Variants in PRKG1 observed in about 807,000 individuals in gnomAD.
The protein encoded by PRKG1 is cGMP-dependent protein kinase 1.
In PRKG1, 35 loss-of-function variants were observed where a neutral mutation model predicts 88.1. The observed-to-expected ratio is 0.40, with a 90% CI of 0.30 to 0.53. The LOEUF is 0.53. PRKG1 is among the 20% of genes least tolerant of loss of function. The pLI, the probability that PRKG1 is intolerant of heterozygous loss-of-function variation, is 0.59. For synonymous variants in PRKG1, 303 were observed against 292.5 expected, an observed-to-expected ratio of 1.04 and a Z score of -0.37; for missense variants, 540 against 839.8, an observed-to-expected ratio of 0.64 and a Z score of 4.41.
intron 5 of PRKG1, among the ~76,000 whole-genome samples, chr10:51,985,846 G>T (rs183778562): frequency 1.3e-5 from 2 of 152,044 alleles, no homozygotes; most frequent in Non-Finnish European, 1.5e-5. Context: ...ATTTACAATG[G>T]GGTTACATCC....
chr10:52,202,166 T>A (rs1839690156), intron 9 of PRKG1, among the ~76,000 whole-genome samples: 1 of 151,874 alleles, frequency 6.6e-6, no homozygotes, highest in African/African-American at 2.4e-5. Flanking sequence ...AGGTTTGGCT[T>A]ATTCTTTAAG....
chr10:51,662,798 T>A (rs975354371), intron 3 of PRKG1, among the ~76,000 whole-genome samples: 6 of 151,912 alleles, frequency 3.9e-5, no homozygotes, highest in Non-Finnish European at 4.4e-5. Flanking sequence ...AGACTGAAAA[T>A]GGGGAAAGAG....
rs114237653 is a variant in PRKG1 at position 50,996,599 on chromosome 10, C to T, written c.266+4955C>T. Among the ~76,000 whole-genome samples the T allele has an allele frequency of 3.3e-3, 502 of 152,328 alleles. 3 individuals are homozygous for T. Among genetic ancestry groups the T allele is most frequent in the African/African-American group, 0.012 (496 of 41,582 alleles). On this transcript the variant is annotated intron_variant, in intron 1 of 17. Transcript: ENST00000401604. ...TTGGGGTTGCCATTTACCAGTCCTT[C>T]ATCTTCTTCCTTCCTCATCCAACTT...
chr10:52,020,853 T>C (rs1349837241), intron 5 of PRKG1, among the ~76,000 whole-genome samples: 1 of 152,118 alleles, frequency 6.6e-6, no homozygotes, highest in South Asian at 2.1e-4. Flanking sequence ...TGAGATTTTA[T>C]TGGAAGTTCC....
At chr10:51,823,951 G>A (rs1839819547) in intron 4 of PRKG1, among the ~76,000 whole-genome samples, 2 of 134,230 alleles carry the variant, frequency 1.5e-5, no homozygotes, top group Admixed American at 8.5e-5. Flanking sequence ...TTAGCTCACT[G>A]AAGCCTCGAA....
intron 2 of PRKG1, among the ~76,000 whole-genome samples, chr10:51,185,340 G>A (rs553606669): frequency 6.6e-6 from 1 of 152,088 alleles, no homozygotes; most frequent in Admixed American, 6.5e-5. Flanking sequence ...TTTTTATTTT[G>A]TACCTTGACT....
rs149624577 is a variant in PRKG1 at position 51,182,333 on chromosome 10, C to T, written c.478+29003C>T. On this transcript the variant is annotated intron_variant, in intron 2 of 17. Transcript: ENST00000373980. ...GCTTTATTAAGACAAATGGATTATGCCTGAGAATGGATTTAGTTGATTTTA... is the reference window on the plus strand; with the variant it reads ...GCTTTATTAAGACAAATGGATTATGTCTGAGAATGGATTTAGTTGATTTTA... Among the ~76,000 whole-genome samples, 3 of 152,226 alleles carry T rather than the reference C, an allele frequency of 2.0e-5. No homozygotes were observed. In the East Asian group the frequency reaches 5.8e-4, roughly 29 times the overall value.
chr10:51,617,382 G>T (rs1341458496), intron 3 of PRKG1, among the ~76,000 whole-genome samples: 1 of 151,876 alleles, frequency 6.6e-6, no homozygotes, highest in Non-Finnish European at 1.5e-5. Context: ...TTTTAGGGGA[G>T]GAGGTAAGCA....
chr10:51,745,936 C>T (rs977451506), intron 3 of PRKG1, among the ~76,000 whole-genome samples: 1 of 152,214 alleles, frequency 6.6e-6, no homozygotes, highest in African/African-American at 2.4e-5. Context: ...CATCGAACTC[C>T]TGGGCTCAAT....
chr10:52,187,660 A>G (rs1488723550), intron 9 of PRKG1, among the ~76,000 whole-genome samples: 1 of 152,218 alleles, frequency 6.6e-6, no homozygotes, highest in Admixed American at 6.5e-5. Context: ...CCTTTGTGGT[A>G]ATCACTAACA....
chr10:51,205,012 T>C (rs891064402), intron 2 of PRKG1, among the ~76,000 whole-genome samples: 5 of 151,968 alleles, frequency 3.3e-5, no homozygotes, highest in South Asian at 4.1e-4. Context: ...CTTTCCTACA[T>C]TATACATTCT....
intron 3 of PRKG1, among the ~76,000 whole-genome samples, chr10:51,591,145 ATG>A (rs4041277): frequency 0.85 from 128,082 of 150,752 alleles, 55,697 homozygotes; most frequent in South Asian, 0.96. Flanking sequence ...GAAAAGTAGT[ATG>A]TGTGTGTGTG....
At chr10:52,013,785 T>A (rs10823955) in intron 5 of PRKG1, among the ~76,000 whole-genome samples, 36,036 of 152,092 alleles carry the variant, frequency 0.24, 4,788 homozygotes, top group Admixed American at 0.31. Context: ...GTTAGTAAGA[T>A]AGCTATGGCA....
At chr10:51,506,629 G>T (rs1589027377) in intron 3 of PRKG1, among the ~76,000 whole-genome samples, 1 of 152,082 alleles carries the variant, frequency 6.6e-6, no homozygotes, top group African/African-American at 2.4e-5. Flanking sequence ...TTAGAATGGT[G>T]ATCATTAAAA....
upstream of PRKG1, among the ~76,000 whole-genome samples, chr10:51,073,089 C>G (rs577246164): frequency 6.6e-6 from 1 of 152,266 alleles, no homozygotes; most frequent in East Asian, 1.9e-4. Flanking sequence ...TTCGTAATGT[C>G]TTAAGCAAAT....
chr10:51,224,424 A>G (rs1017579578), intron 2 of PRKG1, among the ~76,000 whole-genome samples: 8 of 152,216 alleles, frequency 5.3e-5, no homozygotes, highest in African/African-American at 1.9e-4. Context: ...TTGTCTAGCA[A>G]TGAATATTTA....
At chr10:51,689,213 A>AC (rs1306109118) in intron 3 of PRKG1, among the ~76,000 whole-genome samples, 5 of 149,660 alleles carry the variant, frequency 3.3e-5, no homozygotes, top group African/African-American at 1.2e-4. Context: ...ACACCATCAA[A>AC]CACAGTTGAC....
chr10:51,387,697 T>G (rs186533797), intron 2 of PRKG1, among the ~76,000 whole-genome samples: 36 of 152,322 alleles, frequency 2.4e-4, no homozygotes, highest in African/African-American at 8.4e-4. Context: ...CACAAAATTA[T>G]TTCATGTAGT....
At chr10:52,272,631 C>A in intron 12 of PRKG1, 150 bp downstream of exon 12, 2 of 635,478 alleles carry the variant, frequency 3.1e-6, no homozygotes, top group Non-Finnish European at 5.4e-6. Context: ...AGGGCATAAC[C>A]CACTATACAC....
Sources: allele counts gnomAD v4.1 joint callset (sites outside exome capture counted in the v4.1 genomes callset), GRCh38; gene constraint gnomAD v4.1.1; transcripts MANE v1.5; gene names NCBI Gene and HGNC (gene_info 2026-07-23, HGNC 2026-07-21).